Variants in ANKRD30A observed in about 807,000 individuals in gnomAD.
ANKRD30A encodes the protein ankyrin repeat domain 30A.
Under a neutral mutation model 166.3 loss-of-function variants are expected in ANKRD30A, and 170 were observed. The ratio of observed to expected loss-of-function variants is 1.02; its 90% CI spans 0.90 to 1.16. The LOEUF is 1.16. ANKRD30A is among the 50% of genes most tolerant of loss of function. ANKRD30A has a pLI of 0.00. For synonymous variants in ANKRD30A, 564 were observed against 508.9 expected, an observed-to-expected ratio of 1.11 and a Z score of -1.46; for missense variants, 1,630 against 1,518.0, an observed-to-expected ratio of 1.07 and a Z score of -1.23.
chr10:37,162,584 C>G, intron 15 of ANKRD30A, 65 bp from the exon 16 acceptor site: 1 of 1,585,810 alleles, frequency 6.3e-7, no homozygotes, highest in East Asian at 2.2e-5. Context: ...ACTATCACGG[C>G]ATTCATTTGT....
At chr10:37,224,231 G>C (rs181174071) in intron 34 of ANKRD30A, among the ~76,000 whole-genome samples, 15 of 150,662 alleles carry the variant, frequency 1.0e-4, no homozygotes, top group African/African-American at 3.6e-4. Context: ...GTTTGTATTT[G>C]GTAATCTTCT....
intron 27 of ANKRD30A, among the ~76,000 whole-genome samples, chr10:37,193,775 G>A (rs186337228): frequency 2.0e-5 from 3 of 151,986 alleles, no homozygotes; most frequent in African/African-American, 7.3e-5. Context: ...GTCTAGACAC[G>A]GTGTTTTAGA....
At chr10:37,232,823 G>T (rs1843505129), downstream of ANKRD30A, among the ~76,000 whole-genome samples, 1 of 145,636 alleles carries the variant, frequency 6.9e-6, no homozygotes, top group African/African-American at 2.5e-5. Context: ...AGATTTCAAG[G>T]CTGTAGTGTA....
At chr10:37,190,038 C>G (rs985746039) in intron 25 of ANKRD30A, among the ~76,000 whole-genome samples, 48 of 151,820 alleles carry the variant, frequency 3.2e-4, no homozygotes, top group African/African-American at 1.1e-3. Context: ...TAATGTCTTT[C>G]TCACTTGTGG....
At chr10:37,200,530 C>T (rs1019865292) in intron 30 of ANKRD30A, among the ~76,000 whole-genome samples, 6 of 151,950 alleles carry the variant, frequency 3.9e-5, no homozygotes, top group African/African-American at 1.4e-4. Context: ...GTGGTAACAG[C>T]AAAGGGTGGA....
At chr10:37,133,521 T>G (rs1836497090) in intron 4 of ANKRD30A, among the ~76,000 whole-genome samples, 1 of 152,264 alleles carries the variant, frequency 6.6e-6, no homozygotes, top group Admixed American at 6.5e-5. Context: ...TGACTACTAC[T>G]AATATCATTA....
At position 37,142,046 on chromosome 10, in the gene ANKRD30A, C is replaced by A; in HGVS notation, c.1149C>A (p.Ile383=). ...CAGCAAAAGGAAGACCTAGGAAGAT[C>A]GCATGGGAGAAAAAAGAAGACACAC... ...TWPAKGRPRK[I]AWEKKEDTPR... is the part of the protein sequence containing the mutation. Residue 383 remains isoleucine (I), a synonymous_variant, in exon 7 of 36, where the codon ATC becomes ATA. Coordinates refer to ENST00000361713, the MANE Select transcript of ANKRD30A (RefSeq NM_052997.3). 5 of 1,605,174 alleles carry A rather than the reference C, an allele frequency of 3.1e-6. No individual in the cohort carries two copies. Among genetic ancestry groups the A allele is most frequent in the Non-Finnish European group, 4.2e-6 (5 of 1,176,750 alleles).
At chr10:37,151,172 T>C (rs2132556749) in intron 11 of ANKRD30A, among the ~76,000 whole-genome samples, 1 of 152,270 alleles carries the variant, frequency 6.6e-6, no homozygotes, top group Non-Finnish European at 1.5e-5. Context: ...TAGTTGTGCA[T>C]GTTTGCTTTT....
chr10:37,231,428 A>T (rs1301623089), intron 34 of ANKRD30A, 33 bp from the exon 35 acceptor site: 3 of 1,571,986 alleles, frequency 1.9e-6, no homozygotes, highest in Non-Finnish European at 1.7e-6. Context: ...AAAAAATAAA[A>T]TACTAAGCAT....
chr10:37,161,556 G>A (rs1166449116), intron 15 of ANKRD30A, among the ~76,000 whole-genome samples: 2 of 152,106 alleles, frequency 1.3e-5, no homozygotes, highest in African/African-American at 4.8e-5. Context: ...GAGACTCTGA[G>A]AAGAACAGTT....
intron 27 of ANKRD30A, among the ~76,000 whole-genome samples, chr10:37,196,093 A>ATTTATTTTTTTTTT (rs1554823849): frequency 7.7e-6 from 1 of 129,458 alleles, no homozygotes; most frequent in Non-Finnish European, 1.6e-5. Context: ...TATATTTTCT[A>ATTTATTTTTTTTTT]TTTTTTTTTT....
At chr10:37,218,871 A>G (rs1334499107) in intron 33 of ANKRD30A, 109 bp from the exon 34 acceptor site, 3 of 751,878 alleles carry the variant, frequency 4.0e-6, no homozygotes, top group East Asian at 2.8e-5. Flanking sequence ...ATACCTACTT[A>G]TAAAAACCCT....
At chr10:37,137,970 G>A (rs1836832343) in intron 6 of ANKRD30A, among the ~76,000 whole-genome samples, 1 of 152,138 alleles carries the variant, frequency 6.6e-6, no homozygotes, top group African/African-American at 2.4e-5. Context: ...TAACTGGGAG[G>A]CACCCCCAAG....
the ANKRD30A span, among the ~76,000 whole-genome samples, chr10:37,248,633 A>G: frequency 6.6e-6 from 1 of 151,976 alleles, no homozygotes; most frequent in African/African-American, 2.4e-5. Context: ...TTGTCATTTT[A>G]AATACAGTGT....
At chr10:37,225,606 A>G (rs1294174744) in intron 34 of ANKRD30A, among the ~76,000 whole-genome samples, 1 of 151,842 alleles carries the variant, frequency 6.6e-6, no homozygotes, top group East Asian at 1.9e-4. Context: ...TGCTTTGAGC[A>G]GTGAAAGAGA....
chr10:37,219,786 G>A lies in ANKRD30A; in HGVS notation c.4074G>A (p.Glu1358=). The part of the protein sequence containing the change: ...SKITIDIHFL[E]RKMQHHLLKE... ...TAACAATTGATATTCATTTTCTTGA[G>A]AGGAAAATGCAACATCATCTCCTAA... is the stretch of plus-strand genomic sequence containing the variant. The change falls in exon 34 of 36, where the codon GAG becomes GAA. Residue 1358 remains glutamate (E), a synonymous_variant. Transcript: ENST00000361713. The A allele has an allele frequency of 1.2e-6, 2 of 1,607,270 alleles. No individual in the cohort carries two copies. The highest frequency in any genetic ancestry group is 1.7e-6 in the Non-Finnish European group (2 of 1,176,006).
At chr10:37,150,637 C>A (rs1213318819) in intron 11 of ANKRD30A, among the ~76,000 whole-genome samples, 2 of 151,938 alleles carry the variant, frequency 1.3e-5, no homozygotes, top group Non-Finnish European at 2.9e-5. Context: ...CTTTTTTGAT[C>A]AGCATCATAA....
At chr10:37,225,268 C>T (rs1286240312) in intron 34 of ANKRD30A, among the ~76,000 whole-genome samples, 2 of 151,580 alleles carry the variant, frequency 1.3e-5, no homozygotes, top group African/African-American at 4.8e-5. Flanking sequence ...AACTATGTTA[C>T]GTCGAAACCA....
chr10:37,138,815 C>A (rs1335653765), intron 6 of ANKRD30A, among the ~76,000 whole-genome samples: 2 of 152,134 alleles, frequency 1.3e-5, no homozygotes, highest in African/African-American at 4.8e-5. Flanking sequence ...AGGATATTAT[C>A]CAGGAGAACT....
Sources: gnomAD v4.1 joint callset for allele counts (sites outside exome capture counted in the v4.1 genomes callset) on GRCh38, gnomAD v4.1.1 for gene constraint, MANE v1.5 for transcripts, NCBI Gene and HGNC (gene_info 2026-07-23, HGNC 2026-07-21) for gene names.